AP3B1: variants seen among roughly 807,000 people sequenced by gnomAD.
The protein encoded by AP3B1 is adaptor related protein complex 3 subunit beta 1, also known as AP-3 complex subunit beta-1.
AP3B1 carries 61 observed loss-of-function variants against 132.5 expected under a neutral mutation model. That is an observed-to-expected ratio of 0.46 (90% CI 0.37 to 0.57). The LOEUF (loss-of-function observed/expected upper bound fraction) is 0.57, where lower values mean the gene tolerates loss of function less well. AP3B1 is among the 20% of genes least tolerant of loss of function. AP3B1 has a pLI of 0.00. For missense variants in AP3B1, 1,120 were observed against 1,289.4 expected, an observed-to-expected ratio of 0.87 and a Z score of 2.01; for synonymous variants, 388 against 438.3, an observed-to-expected ratio of 0.89 and a Z score of 1.43.
At chr5:78,094,221 T>C (rs1264064294) in intron 21 of AP3B1, among the ~76,000 whole-genome samples, 2 of 152,142 alleles carry the variant, frequency 1.3e-5, no homozygotes, top group African/African-American at 2.4e-5. Flanking sequence ...ATATAAAATA[T>C]GCCTGAAACA....
At chr5:78,139,765 A>G (rs868398049) in intron 15 of AP3B1, among the ~76,000 whole-genome samples, 1 of 152,198 alleles carries the variant, frequency 6.6e-6, no homozygotes, top group African/African-American at 2.4e-5. Context: ...GGAGACACAT[A>G]TAGAGAGATA....
At chr5:78,086,976 T>C (rs1750287834) in intron 22 of AP3B1, among the ~76,000 whole-genome samples, 2 of 152,230 alleles carry the variant, frequency 1.3e-5, no homozygotes, top group African/African-American at 4.8e-5. Context: ...AGCATTTGCG[T>C]TGCCGAATAA....
At chr5:78,014,348 G>A (rs1746765660) in intron 26 of AP3B1, among the ~76,000 whole-genome samples, 1 of 152,152 alleles carries the variant, frequency 6.6e-6, no homozygotes, top group African/African-American at 2.4e-5. Context: ...CAAATCTAAT[G>A]TTCTTTCATA....
At chr5:78,078,124 T>C (rs1256750580) in intron 22 of AP3B1, among the ~76,000 whole-genome samples, 1 of 152,200 alleles carries the variant, frequency 6.6e-6, no homozygotes, top group Admixed American at 6.5e-5. Flanking sequence ...AAATCCAGAA[T>C]GGATTTTACC....
chr5:78,086,423 T>C (rs1750256767), intron 22 of AP3B1, among the ~76,000 whole-genome samples: 1 of 152,176 alleles, frequency 6.6e-6, no homozygotes, highest in Non-Finnish European at 1.5e-5. Context: ...ATGAGGTAGG[T>C]AGCATGATCA....
chr5:78,003,086 A>G (rs1245465269), intron 26 of AP3B1, 31 bp from the exon 27 acceptor site: 2 of 1,610,888 alleles, frequency 1.2e-6, no homozygotes, highest in Non-Finnish European at 1.7e-6. Flanking sequence ...ACCTTTTATC[A>G]TAAGATGGGG....
intron 7 of AP3B1, among the ~76,000 whole-genome samples, chr5:78,193,772 T>TATA (rs1561469679): frequency 1.1e-5 from 1 of 91,192 alleles, no homozygotes; most frequent in South Asian, 3.7e-4. Flanking sequence ...ATATATATAT[T>TATA]TTTTTTTTAG....
chr5:78,167,873 T>A (rs1411384914), intron 11 of AP3B1, among the ~76,000 whole-genome samples: 1 of 149,884 alleles, frequency 6.7e-6, no homozygotes, highest in Non-Finnish European at 1.5e-5. Flanking sequence ...GGGGAAAGGG[T>A]GGGGGGTGGT....
intron 11 of AP3B1, among the ~76,000 whole-genome samples, chr5:78,170,880 T>C (rs1743882625): frequency 6.6e-6 from 1 of 152,234 alleles, no homozygotes; most frequent in Non-Finnish European, 1.5e-5. Flanking sequence ...AACATTTAAG[T>C]CTTTAATCCA....
intron 12 of AP3B1, among the ~76,000 whole-genome samples, chr5:78,164,088 T>C (rs1743510207): frequency 6.6e-6 from 1 of 152,012 alleles, no homozygotes; most frequent in African/African-American, 2.4e-5. Flanking sequence ...TAAACTCTCC[T>C]AGTTCCATGA....
intron 22 of AP3B1, among the ~76,000 whole-genome samples, chr5:78,069,323 C>A (rs955304289): frequency 1.4e-4 from 22 of 152,176 alleles, no homozygotes; most frequent in African/African-American, 5.1e-4. Flanking sequence ...CCTCTGTTTG[C>A]AGATGACATG....
At chr5:78,107,482 TGGCAGAAA>T (rs1228944919) in intron 20 of AP3B1, among the ~76,000 whole-genome samples, 3 of 152,164 alleles carry the variant, frequency 2.0e-5, no homozygotes, top group African/African-American at 7.2e-5. Flanking sequence ...ATGCCACAGT[TGGCAGAAA>T]AGGAATGAAT....
chr5:78,195,339 G>C (rs1745039535), intron 7 of AP3B1, among the ~76,000 whole-genome samples: 1 of 152,230 alleles, frequency 6.6e-6, no homozygotes, highest in South Asian at 2.1e-4. Context: ...CCATAATCAA[G>C]ACTTACTGTA....
At chr5:78,178,921 G>A (rs150451178) in intron 8 of AP3B1, among the ~76,000 whole-genome samples, 134 of 152,082 alleles carry the variant, frequency 8.8e-4, no homozygotes, top group East Asian at 7.5e-3. Flanking sequence ...CTAAAGAACC[G>A]TTTTTAAAAA....
chr5:78,120,532 G>C (rs1752125187), intron 17 of AP3B1, among the ~76,000 whole-genome samples: 2 of 152,064 alleles, frequency 1.3e-5, no homozygotes, highest in South Asian at 4.2e-4. Context: ...AAAAAGGCAG[G>C]GGTTGCAATC....
chr5:78,090,633 G>A (rs1172738302), intron 21 of AP3B1, among the ~76,000 whole-genome samples: 1 of 152,182 alleles, frequency 6.6e-6, no homozygotes. Context: ...ACAAATTTGT[G>A]TCTTTACATG....
chr5:78,166,714 T>C (rs925749392), intron 11 of AP3B1, among the ~76,000 whole-genome samples: 1 of 152,188 alleles, frequency 6.6e-6, no homozygotes, highest in African/African-American at 2.4e-5. Flanking sequence ...CCAACTGATC[T>C]TTGACAAGGC....
At chr5:78,190,357 G>GTTGGAAC (rs1744777955) in intron 7 of AP3B1, among the ~76,000 whole-genome samples, 1 of 152,222 alleles carries the variant, frequency 6.6e-6, no homozygotes, top group African/African-American at 2.4e-5. Context: ...AATTCTCTAA[G>GTTGGAAC]TTGGAACCAA....
intron 17 of AP3B1, among the ~76,000 whole-genome samples, chr5:78,123,946 C>A (rs939158993): frequency 2.0e-5 from 3 of 152,196 alleles, no homozygotes; most frequent in African/African-American, 7.2e-5. Flanking sequence ...TTGGAACCAA[C>A]ACAAATGTCC....
Sources: gnomAD v4.1 joint callset for allele counts (sites outside exome capture counted in the v4.1 genomes callset) on GRCh38, gnomAD v4.1.1 for gene constraint, MANE v1.5 for transcripts, NCBI Gene and HGNC (gene_info 2026-07-23, HGNC 2026-07-21) for gene names.